The following PDZD2 variants were observed in gnomAD, a reference collection of about 807,000 sequenced individuals.
PDZD2 encodes PDZ domain-containing protein 2.
In PDZD2, 90 loss-of-function variants were observed where a neutral mutation model predicts 220.7. The ratio of observed to expected loss-of-function variants is 0.41; its 90% confidence interval spans 0.34 to 0.49. PDZD2 has a LOEUF of 0.49. Among genes scored for constraint, PDZD2 ranks in the 20% least tolerant of loss-of-function variants. PDZD2 has a pLI of 0.28. For synonymous variants in PDZD2, 1,375 were observed against 1,450.5 expected (o/e 0.95, Z 1.18); for missense variants, 3,174 against 3,608.5 (o/e 0.88, Z 3.08).
chr5:31,989,589 A>C (rs1751050413), intron 3 of PDZD2, among the ~76,000 whole-genome samples: 1 of 151,628 alleles, frequency 6.6e-6, no homozygotes, highest in African/African-American at 2.4e-5. Flanking sequence ...TGTCCAGCTA[A>C]TTTTTTGTAT....
At chr5:32,019,370 C>T (rs1253606638) in intron 6 of PDZD2, among the ~76,000 whole-genome samples, 1 of 152,174 alleles carries the variant, frequency 6.6e-6, no homozygotes, top group Admixed American at 6.5e-5. Flanking sequence ...TCTCAAACTC[C>T]TGGGCTCAAG....
At chr5:31,757,754 G>GCATA (rs1448397369) in intron 1 of PDZD2, among the ~76,000 whole-genome samples, 1 of 152,096 alleles carries the variant, frequency 6.6e-6, no homozygotes, top group Non-Finnish European at 1.5e-5. Context: ...GTTTTGTTAT[G>GCATA]GGCTCAGGAC....
At position 31,799,240 on chromosome 5, in the gene PDZD2, G is replaced by A; in HGVS notation, c.-9G>A. 1 of 1,569,364 alleles carries A rather than the reference G, an allele frequency of 6.4e-7. No homozygotes were observed. The highest frequency in any genetic ancestry group is 8.7e-7 in the Non-Finnish European group (1 of 1,151,510). ...CCTCTGATGATGCTGGTGTCTGGGAGTGAGCACCATGCCCATCACCCAGGA... is the reference window on the plus strand; with the variant it reads ...CCTCTGATGATGCTGGTGTCTGGGAATGAGCACCATGCCCATCACCCAGGA... On this transcript the variant is annotated 5_prime_UTR_variant, in exon 2 of 25. The change creates a new upstream start codon in the 5' untranslated region. Transcript: ENST00000438447.
At chr5:32,003,278 CCA>C (rs1222670114) in intron 5 of PDZD2, among the ~76,000 whole-genome samples, 2 of 140,596 alleles carry the variant, frequency 1.4e-5, no homozygotes, top group East Asian at 2.2e-4. Flanking sequence ...CACACACACA[CCA>C]CACACACACC....
At chr5:31,724,344 TGTAATCCCAGCAC>T (rs1409205924) in intron 1 of PDZD2, among the ~76,000 whole-genome samples, 12 of 152,166 alleles carry the variant, frequency 7.9e-5, no homozygotes, top group Non-Finnish European at 1.6e-4. Context: ...GGCTCACGCC[TGTAATCCCAGCAC>T]TTTGGGAGGC....
chr5:31,656,648 A>AT (rs1203551028), intron 1 of PDZD2, among the ~76,000 whole-genome samples: 1 of 152,162 alleles, frequency 6.6e-6, no homozygotes, highest in East Asian at 1.9e-4. Context: ...TCATTTTATG[A>AT]TTTTTTAAAG....
intron 1 of PDZD2, among the ~76,000 whole-genome samples, chr5:31,779,974 G>C (rs879865226): frequency 1.3e-5 from 2 of 152,150 alleles, no homozygotes; most frequent in Non-Finnish European, 2.9e-5. Context: ...CTTCGCTAGA[G>C]GATTGAAGAC....
At position 31,865,336 on chromosome 5, in the gene PDZD2, A is replaced by G. The variant is rs147394195; in HGVS notation, c.476+65612A>G. 3.8e-3 allele frequency among the ~76,000 whole-genome samples: 580 copies of G among 151,698 alleles called. 2 individuals carry two copies. The highest frequency in any genetic ancestry group is 0.014 in the African/African-American group (561 of 41,356). ...TTTTGTTTTTGGCTTTTTTTGAGAC[A>G]AGGTCTTGCTCTTTGTCCCAGGCTG... On this transcript the variant is annotated intron_variant, in intron 2 of 24. Coordinates refer to ENST00000438447, the MANE Select transcript of PDZD2 (RefSeq NM_178140.4).
intron 21 of PDZD2, among the ~76,000 whole-genome samples, chr5:32,096,209 C>G (rs1325027295): frequency 2.0e-5 from 3 of 152,182 alleles, no homozygotes; most frequent in Non-Finnish European, 4.4e-5. Context: ...CAACCTCTTT[C>G]TCCCCATCAA....
At chr5:32,002,793 AC>A (rs1752308753) in intron 5 of PDZD2, among the ~76,000 whole-genome samples, 1 of 115,870 alleles carries the variant, frequency 8.6e-6, no homozygotes, top group Non-Finnish European at 1.8e-5. Context: ...AACCACACAC[AC>A]CACCAACACA....
rs770242647 is a variant in PDZD2 at position 32,089,975 on chromosome 5, C to G, written c.6527C>G (p.Thr2176Arg). The change falls in exon 20 of 25, where the codon ACA becomes AGA. Residue 2176 changes from threonine (T) to arginine (R), a missense_variant. Coordinates refer to ENST00000438447, the MANE Select transcript of PDZD2 (RefSeq NM_178140.4). The stretch of plus-strand genomic sequence containing the variant: ...GCGTCCTCCTCCTCCTCCCTTCAAA[C>G]AGCCATTAGAAAGGCAGAATACTCC... ...KLASSSSSLQ[T>R]AIRKAEYSQG... is the part of the protein sequence containing the mutation. The G allele has an allele frequency of 6.2e-7, 1 of 1,603,520 alleles. No individual in the cohort carries two copies. The highest frequency in any genetic ancestry group is 1.7e-5 in the Admixed American group (1 of 59,154).
rs1741961830 is a variant in PDZD2 at position 31,900,339 on chromosome 5, T to C, written c.477-82816T>C. On this transcript the variant is annotated intron_variant, in intron 2 of 24. Coordinates refer to ENST00000438447, the MANE Select transcript of PDZD2 (RefSeq NM_178140.4). ...CTGTTAATGGATTTGCTGACTGTTATCCTTACTATATAGAAAGCTATTTAC... is the reference window on the plus strand; with the variant it reads ...CTGTTAATGGATTTGCTGACTGTTACCCTTACTATATAGAAAGCTATTTAC... Among the ~76,000 whole-genome samples, 3 of 152,222 alleles carry C rather than the reference T, an allele frequency of 2.0e-5. No individual in the cohort carries two copies. The South Asian group carries it at 6.2e-4, about 32-fold the overall frequency.
chr5:31,697,963 C>T (rs1331988363), intron 1 of PDZD2, among the ~76,000 whole-genome samples: 12 of 151,500 alleles, frequency 7.9e-5, no homozygotes, highest in African/African-American at 1.2e-4. Flanking sequence ...AGTGCAGTGG[C>T]GCGATCTTGG....
chr5:31,702,766 C>T (rs988234202), intron 1 of PDZD2, among the ~76,000 whole-genome samples: 3 of 152,226 alleles, frequency 2.0e-5, no homozygotes, highest in African/African-American at 4.8e-5. Context: ...GACTCAGAGT[C>T]GAATGAGTGT....
At chr5:32,002,936 AC>A (rs1166755302) in intron 5 of PDZD2, among the ~76,000 whole-genome samples, 42 of 98,404 alleles carry the variant, frequency 4.3e-4, no homozygotes, top group African/African-American at 1.6e-3. Flanking sequence ...CACCTCACAC[AC>A]CACGAACACA....
intron 1 of PDZD2, among the ~76,000 whole-genome samples, chr5:31,700,891 C>T (rs186916539): frequency 1.3e-5 from 2 of 152,270 alleles, no homozygotes; most frequent in East Asian, 1.9e-4. Context: ...GGAGTTCTTC[C>T]GAATGTCAGG....
At chr5:31,931,381 C>T (rs551141271) in intron 2 of PDZD2, among the ~76,000 whole-genome samples, 1 of 152,328 alleles carries the variant, frequency 6.6e-6, no homozygotes, top group African/African-American at 2.4e-5. Context: ...TGGTTTCGAA[C>T]TCCTGACATC....
intron 2 of PDZD2, chr5:31,848,297 A>G: frequency 5.8e-6 from 1 of 172,858 alleles, no homozygotes; most frequent in Non-Finnish European, 1.2e-5. Flanking sequence ...ATGTGTCTTA[A>G]GGCATCACAG....
At chr5:31,684,762 A>G (rs1385891649) in intron 1 of PDZD2, among the ~76,000 whole-genome samples, 1 of 152,068 alleles carries the variant, frequency 6.6e-6, no homozygotes, top group Non-Finnish European at 1.5e-5. Flanking sequence ...GTGTGAACTC[A>G]TTTCAACCTT....
Sources: gnomAD v4.1 joint callset for allele counts (sites outside exome capture counted in the v4.1 genomes callset) on GRCh38, gnomAD v4.1.1 for gene constraint, MANE v1.5 for transcripts, NCBI Gene and HGNC (gene_info 2026-07-23, HGNC 2026-07-21) for gene names.